Variants in AK3 observed in about 807,000 individuals in gnomAD.
AK3 encodes the protein GTP:AMP phosphotransferase AK3, mitochondrial.
AK3 carries 27 observed loss-of-function variants against 23.7 expected under a neutral mutation model. That is an observed-to-expected ratio of 1.14 (90% CI 0.84 to 1.57). The LOEUF is 1.57. AK3 is among the 40% of genes most tolerant of loss of function. The pLI is 0.00. For missense variants in AK3, 406 were observed against 285.6 expected, an observed-to-expected ratio of 1.42 and a Z score of -3.04; for synonymous variants, 159 against 116.0, an observed-to-expected ratio of 1.37 and a Z score of -2.38.
chr9:4,717,917 G>A lies in AK3; in HGVS notation c.563+502C>T, dbSNP rs185488909. Among the ~76,000 whole-genome samples, 12 of 152,316 alleles carry A rather than the reference G, an allele frequency of 7.9e-5. No homozygotes were observed. In the East Asian group the frequency reaches 2.3e-3, roughly 29 times the overall value. On this transcript the variant is annotated intron_variant, in intron 4 of 4. Coordinates refer to ENST00000381809, the MANE Select transcript of AK3 (RefSeq NM_016282.4). Reference sequence around the variant, plus strand: ...AGAGTATGGATGAGACTGTCGCACTGCCAACTCTAGAAGTGGACTAGTCAG... The same window carrying A: ...AGAGTATGGATGAGACTGTCGCACTACCAACTCTAGAAGTGGACTAGTCAG...
chr9:4,739,775 C>T (rs1842381163), intron 1 of AK3, among the ~76,000 whole-genome samples: 1 of 151,852 alleles, frequency 6.6e-6, no homozygotes, highest in Non-Finnish European at 1.5e-5. Context: ...ACTAAAAATA[C>T]AAAAAATTAG....
chr9:4,729,350 T>C (rs1437407083), intron 1 of AK3, among the ~76,000 whole-genome samples: 1 of 152,072 alleles, frequency 6.6e-6, no homozygotes, highest in Non-Finnish European at 1.5e-5. Context: ...TTGGTATGTG[T>C]TTCTAGTTCC....
At chr9:4,731,807 G>T (rs1842160710) in intron 1 of AK3, among the ~76,000 whole-genome samples, 1 of 152,026 alleles carries the variant, frequency 6.6e-6, no homozygotes, top group Non-Finnish European at 1.5e-5. Flanking sequence ...TGAACCGCAT[G>T]GGTCTACCTC....
chr9:4,717,300 G>T (rs911788030), intron 4 of AK3, among the ~76,000 whole-genome samples: 8 of 152,188 alleles, frequency 5.3e-5, no homozygotes, highest in African/African-American at 1.9e-4. Flanking sequence ...AAGCAGGAAG[G>T]CTCAGTAAGA....
rs115171165 is a variant in AK3 at position 4,714,266 on chromosome 9, C to T, written c.564-1170G>A. 1.5e-4 allele frequency among the ~76,000 whole-genome samples: 17 copies of T among 110,472 alleles called. 2 individuals carry two copies. The highest frequency in any genetic ancestry group is 5.6e-4 in the African/African-American group (17 of 30,380). The allele number at this position is 110,472 out of a possible 152,430, so 72.5% of individuals were successfully genotyped here. The stretch of plus-strand genomic sequence containing the variant: ...GGTGTAAAGACTGCATAAGGACAAC[C>T]TAAGAACTCTGGTTTATGACTTTGT... On this transcript the variant is annotated intron_variant, in intron 4 of 4. Transcript: ENST00000381809.
At chr9:4,713,202 T>C in intron 4 of AK3, 106 bp from the exon 5 acceptor site, 13 of 1,418,686 alleles carry the variant, frequency 9.2e-6, no homozygotes, top group Non-Finnish European at 1.2e-5. Context: ...ATAGGAGTCT[T>C]GGTAAGTATA....
chr9:4,728,886 C>CATACATACATACATAT (rs71326126), intron 1 of AK3, among the ~76,000 whole-genome samples: 3 of 140,144 alleles, frequency 2.1e-5, no homozygotes, highest in Non-Finnish European at 3.1e-5. Flanking sequence ...CACACACATA[C>CATACATACATACATAT]ATATATATAC....
At chr9:4,738,761 C>CTTTTTTTTT (rs35812152) in intron 1 of AK3, among the ~76,000 whole-genome samples, 1 of 75,096 alleles carries the variant, frequency 1.3e-5, no homozygotes, top group African/African-American at 5.3e-5. Context: ...ATATGCTTTA[C>CTTTTTTTTT]TTTTTTTTTT....
chr9:4,713,067 C>T lies in AK3; in HGVS notation c.593G>A (p.Gly198Glu). 1 of 1,613,626 alleles carries T rather than the reference C, an allele frequency of 6.2e-7. No homozygotes were observed. The highest frequency in any genetic ancestry group is 8.5e-7 in the Non-Finnish European group (1 of 1,179,732). The change falls in exon 5 of 5, where the codon GGA becomes GAA. Residue 198 changes from glycine to glutamate, a missense_variant. Coordinates refer to ENST00000381809, the MANE Select transcript of AK3 (RefSeq NM_016282.4). ...GGGCCAAATCTTGTTGGTTTCTGTT[C>T]CGGAGAATGTTTCCAGCACCCCTTT... The part of the protein sequence containing the change: ...QKKGVLETFS[G>E]TETNKIWPYV...
intron 1 of AK3, among the ~76,000 whole-genome samples, chr9:4,730,387 C>T (rs1842125541): frequency 6.6e-6 from 1 of 150,644 alleles, no homozygotes; most frequent in East Asian, 1.9e-4. Context: ...ATGAAAAATT[C>T]CCAGTAAGAA....
Position 4,710,433 on chromosome 9 carries a change from A to C in AK3, c.*2543T>G, listed in dbSNP as rs1038977409. 11 of 110,910 alleles carry C rather than the reference A, an allele frequency of 9.9e-5. No individual in the cohort carries two copies. The highest frequency in any genetic ancestry group is 3.0e-4 in the African/African-American group (10 of 32,794). 6.9% of individuals were successfully genotyped at this position (110,910 alleles called of 1,614,324 possible). A position where few individuals can be genotyped will look rare whatever the true frequency, so the allele number is the denominator to read the frequency against. ...ACGGGGTTTCACCGTGTTAGCCAGG[A>C]TGGTCTCGATCTCCTGACCTCGTGA... On this transcript the variant is annotated 3_prime_UTR_variant, in exon 5 of 5. Transcript: ENST00000381809.
At chr9:4,729,128 C>T (rs1287848186) in intron 1 of AK3, among the ~76,000 whole-genome samples, 1 of 151,034 alleles carries the variant, frequency 6.6e-6, no homozygotes, top group African/African-American at 2.4e-5. Context: ...CTCCTGCCTC[C>T]ACCTCCTGAG....
In AK3 at chr9:4,739,191, T is replaced by C. The variant is rs74415697; in HGVS notation, c.151+1746A>G. Among the ~76,000 whole-genome samples, 457 of 151,996 alleles carry C rather than the reference T, an allele frequency of 3.0e-3. 1 individual carries two copies. Among genetic ancestry groups the C allele is most frequent in the African/African-American group, 0.01 (435 of 41,438 alleles). The stretch of plus-strand genomic sequence containing the variant: ...AACATTTAGCAAGCAAGTCAAACAA[T>C]CTCTGTTCTTTCTTTCTTTTTTTTC... On this transcript the variant is annotated intron_variant, in intron 1 of 4. Transcript: ENST00000381809.
At chr9:4,734,305 G>A (rs187577630) in intron 1 of AK3, among the ~76,000 whole-genome samples, 1 of 60,214 alleles carries the variant, frequency 1.7e-5, no homozygotes, top group African/African-American at 5.1e-5. Flanking sequence ...CTAGCCTCCA[G>A]AACTATAAGA....
intron 4 of AK3, among the ~76,000 whole-genome samples, chr9:4,714,198 C>A (rs384562): frequency 9.2e-4 from 30 of 32,440 alleles, no homozygotes; most frequent in African/African-American, 1.1e-3. Context: ...ACACACACCT[C>A]CACATATACA....
intron 1 of AK3, among the ~76,000 whole-genome samples, chr9:4,732,856 TTC>T (rs775500324): frequency 2.1e-5 from 3 of 145,604 alleles, no homozygotes; most frequent in Admixed American, 7.3e-5. Flanking sequence ...TAAATAACAG[TTC>T]TCTCTCTCTC....
chr9:4,722,384 T>A, intron 2 of AK3, 122 bp downstream of exon 2: 1 of 1,397,004 alleles, frequency 7.2e-7, no homozygotes, highest in Non-Finnish European at 9.7e-7. Context: ...TTCAGGATAG[T>A]CCCAAGCACC....
At chr9:4,723,065 C>T (rs189900034) in intron 1 of AK3, among the ~76,000 whole-genome samples, 2 of 147,674 alleles carry the variant, frequency 1.4e-5, no homozygotes, top group Admixed American at 6.6e-5. Context: ...AGTGAGACTC[C>T]GTCTCAAAAA....
chr9:4,730,674 GTA>G (rs1257757724), intron 1 of AK3, among the ~76,000 whole-genome samples: 5 of 152,146 alleles, frequency 3.3e-5, no homozygotes, highest in Non-Finnish European at 5.9e-5. Flanking sequence ...AATCCTATGT[GTA>G]GTCTAATAAT....
Sources: allele counts gnomAD v4.1 joint callset (sites outside exome capture counted in the v4.1 genomes callset), GRCh38; gene constraint gnomAD v4.1.1; transcripts MANE v1.5; gene names NCBI Gene and HGNC (gene_info 2026-07-23, HGNC 2026-07-21).